MRTFB: variants seen among roughly 807,000 people sequenced by gnomAD.
MRTFB encodes the protein myocardin-related transcription factor B.
Under a neutral mutation model 104.2 loss-of-function variants are expected in MRTFB, and 29 were observed. The ratio of observed to expected loss-of-function variants is 0.28; its 90% CI spans 0.21 to 0.38. MRTFB has a LOEUF of 0.38. Ranked by LOEUF, MRTFB falls within the 10% of genes least tolerant of loss-of-function variation. MRTFB has a pLI of 1.00. For missense variants in MRTFB, 1,270 were observed against 1,341.6 expected, an observed-to-expected ratio of 0.95 and a Z score of 0.83; for synonymous variants, 535 against 519.5, an observed-to-expected ratio of 1.03 and a Z score of -0.41.
intron 2 of MRTFB, among the ~76,000 whole-genome samples, chr16:14,080,070 T>G (rs1322943327): frequency 6.6e-6 from 1 of 152,238 alleles, no homozygotes; most frequent in Non-Finnish European, 1.5e-5. Context: ...CCATACTTTA[T>G]GCCTTTGATG....
rs750881308 is a variant in MRTFB at position 14,243,864 on chromosome 16, G to GTTTGTTTTTTTTTTTTTTTTTTTTTT, written c.1080-1661_1080-1660insGTTTTTTTTTTTTTTTTTTTTTTTTT. ...CAGAGATTAGTTTTGCCTGTTTTGG[G>GTTTGTTTTTTTTTTTTTTTTTTTTTT]TTTTTTTTTTTTTGAGACAGAGTCT... On this transcript the variant is annotated intron_variant, in intron 10 of 16. Coordinates refer to ENST00000571589, the MANE Select transcript of MRTFB (RefSeq NM_001308142.2). 1.0e-3 allele frequency among the ~76,000 whole-genome samples: 126 copies of GTTTGTTTTTTTTTTTTTTTTTTTTTT among 124,636 alleles called. 11 individuals are homozygous for GTTTGTTTTTTTTTTTTTTTTTTTTTT. Among genetic ancestry groups the GTTTGTTTTTTTTTTTTTTTTTTTTTT allele is most frequent in the African/African-American group, 4.7e-3 (124 of 26,464 alleles). 81.8% of individuals were successfully genotyped at this position (124,636 alleles called of 152,430 possible). A position where few individuals can be genotyped will look rare whatever the true frequency, so the allele number is the denominator to read the frequency against.
intron 8 of MRTFB, among the ~76,000 whole-genome samples, chr16:14,220,271 ATGCAAGTAGATACCAT>A (rs2041628342): frequency 6.6e-6 from 1 of 152,210 alleles, no homozygotes; most frequent in Non-Finnish European, 1.5e-5. Flanking sequence ...AATGTCAAGT[ATGCAAGTAGATACCAT>A]TAACAAACAG....
intron 2 of MRTFB, among the ~76,000 whole-genome samples, chr16:14,129,898 C>G (rs1485365161): frequency 6.6e-6 from 1 of 152,016 alleles, no homozygotes; most frequent in Non-Finnish European, 1.5e-5. Flanking sequence ...GCGTGATCTC[C>G]CCTCACTGCA....
chr16:14,084,553 A>G (rs2034589554), intron 2 of MRTFB, among the ~76,000 whole-genome samples: 1 of 152,210 alleles, frequency 6.6e-6, no homozygotes, highest in Non-Finnish European at 1.5e-5. Context: ...AAAAATTAAA[A>G]AGATAAATAA....
intron 2 of MRTFB, among the ~76,000 whole-genome samples, chr16:14,111,931 G>A (rs1018455921): frequency 2.6e-5 from 4 of 152,156 alleles, no homozygotes; most frequent in Non-Finnish European, 5.9e-5. Context: ...CCCTCCATAC[G>A]GTGGCTGGGC....
the MRTFB span, among the ~76,000 whole-genome samples, chr16:14,001,653 G>T: frequency 6.6e-6 from 1 of 152,244 alleles, no homozygotes; most frequent in African/African-American, 2.4e-5. Context: ...GAACACTGAT[G>T]AACTGGCTTC....
chr16:14,084,308 C>T (rs1485909472), intron 2 of MRTFB, among the ~76,000 whole-genome samples: 1 of 152,150 alleles, frequency 6.6e-6, no homozygotes, highest in Non-Finnish European at 1.5e-5. Context: ...GAGGCTGAGG[C>T]AGGTAAACTG....
At chr16:14,039,890 A>G in the MRTFB span, among the ~76,000 whole-genome samples, 500 of 151,704 alleles carry the variant, frequency 3.3e-3, 3 homozygotes, top group Non-Finnish European at 4.2e-3. Context: ...CTGGGATTAC[A>G]GGCATGCACC....
chr16:14,237,932 A>C (rs2042592538), intron 9 of MRTFB, among the ~76,000 whole-genome samples: 1 of 152,234 alleles, frequency 6.6e-6, no homozygotes, highest in Non-Finnish European at 1.5e-5. Flanking sequence ...CAGGATGGCC[A>C]CGTAGCACTG....
At chr16:14,138,719 C>G (rs2037847898) in intron 2 of MRTFB, among the ~76,000 whole-genome samples, 1 of 152,188 alleles carries the variant, frequency 6.6e-6, no homozygotes, top group South Asian at 2.1e-4. Flanking sequence ...CCCCCCACCC[C>G]ACTTTGCGGC....
intron 2 of MRTFB, among the ~76,000 whole-genome samples, chr16:14,119,500 C>T (rs2036729347): frequency 6.6e-6 from 1 of 152,056 alleles, no homozygotes; most frequent in Non-Finnish European, 1.5e-5. Flanking sequence ...CAAAATTTCA[C>T]TTTTGAGAGA....
At chr16:14,192,980 C>G (rs1328860030) in intron 3 of MRTFB, among the ~76,000 whole-genome samples, 3 of 152,140 alleles carry the variant, frequency 2.0e-5, no homozygotes, top group Non-Finnish European at 4.4e-5. Flanking sequence ...AATATTTCAT[C>G]TGTCCACAGC....
chr16:14,200,213 A>G, intron 3 of MRTFB: 8 of 1,190,536 alleles, frequency 6.7e-6, no homozygotes, highest in Non-Finnish European at 9.3e-6. Context: ...TAATAGCAAA[A>G]AACCTGGTAG....
intron 2 of MRTFB, among the ~76,000 whole-genome samples, chr16:14,114,487 A>G (rs1456861538): frequency 6.6e-6 from 1 of 152,248 alleles, no homozygotes; most frequent in African/African-American, 2.4e-5. Context: ...AACATCAGAA[A>G]GAGTAGTCCA....
the MRTFB span, among the ~76,000 whole-genome samples, chr16:13,999,821 A>G: frequency 2.0e-5 from 3 of 152,184 alleles, no homozygotes; most frequent in African/African-American, 4.8e-5. Flanking sequence ...ATATAAGCCA[A>G]TGTAAGTGGG....
In MRTFB at chr16:14,071,593, GCCCGGGCGCGAC is replaced by G. The variant is rs2033697649; in HGVS notation, c.-129+235_-129+246del. On this transcript the variant is annotated intron_variant, in intron 1 of 16. Transcript: ENST00000571589. ...GGTGCCTCCTTCAACCGGTCCTCGC[GCCCGGGCGCGAC>G]CCCGGGGCCGCCTCAGTGTCCATCT... Among the ~76,000 whole-genome samples the G allele has an allele frequency of 3.9e-5, 6 of 152,056 alleles. No individual in the cohort carries two copies. In the South Asian group the frequency reaches 1.0e-3, roughly 26 times the overall value.
intron 16 of MRTFB, among the ~76,000 whole-genome samples, chr16:14,258,956 AGTC>A (rs943419855): frequency 6.6e-6 from 1 of 152,246 alleles, no homozygotes; most frequent in African/African-American, 2.4e-5. Context: ...TATTTGGAGT[AGTC>A]TTAAAATTAC....
chr16:14,191,353 C>A (rs1266649549), intron 3 of MRTFB, among the ~76,000 whole-genome samples: 1 of 152,184 alleles, frequency 6.6e-6, no homozygotes, highest in Non-Finnish European at 1.5e-5. Flanking sequence ...CCTTGCAGGC[C>A]CTGTCTCTTA....
chr16:14,156,099 A>G (rs2038817724), intron 3 of MRTFB, among the ~76,000 whole-genome samples: 1 of 152,006 alleles, frequency 6.6e-6, no homozygotes, highest in South Asian at 2.1e-4. Context: ...GGCTCATCTC[A>G]TTTGTTTCCC....
Sources: allele counts gnomAD v4.1 joint callset (sites outside exome capture counted in the v4.1 genomes callset), GRCh38; gene constraint gnomAD v4.1.1; transcripts MANE v1.5; gene names NCBI Gene and HGNC (gene_info 2026-07-23, HGNC 2026-07-21).